Variants in MAF observed in about 807,000 individuals in gnomAD.
MAF encodes MAF bZIP transcription factor.
Under a neutral mutation model 22.0 loss-of-function variants are expected in MAF, and 10 were observed. That is an observed-to-expected ratio of 0.45 (90% CI 0.28 to 0.77). The LOEUF (loss-of-function observed/expected upper bound fraction) is 0.77. Ranked by LOEUF, MAF falls within the 30% of genes least tolerant of loss-of-function variation. The probability of loss-of-function intolerance (pLI) is 0.12; values close to 1 mark genes in which losing one functional copy is unlikely to be tolerated. For missense variants in MAF, 544 were observed against 548.4 expected, an observed-to-expected ratio of 0.99 and a Z score of 0.08; for synonymous variants, 337 against 255.8, an observed-to-expected ratio of 1.32 and a Z score of -3.03.
chr16:79,493,290 C>T, the MAF span, among the ~76,000 whole-genome samples: 2 of 152,098 alleles, frequency 1.3e-5, no homozygotes, highest in Admixed American at 1.3e-4. Context: ...TGAAGCAATT[C>T]TGGGCCTCAG....
chr16:79,227,052 A>G, the MAF span, among the ~76,000 whole-genome samples: 1 of 152,082 alleles, frequency 6.6e-6, no homozygotes, highest in African/African-American at 2.4e-5. Context: ...GGGTCACTTA[A>G]TTGTTTCAAA....
At chr16:79,310,810 T>G in the MAF span, among the ~76,000 whole-genome samples, 2 of 152,194 alleles carry the variant, frequency 1.3e-5, no homozygotes, top group African/African-American at 4.8e-5. Context: ...CCCTGAGTAG[T>G]CCCTGGTCGT....
chr16:79,217,339 G>A, the MAF span, among the ~76,000 whole-genome samples: 1 of 152,194 alleles, frequency 6.6e-6, no homozygotes, highest in Admixed American at 6.5e-5. Flanking sequence ...GTGGCCTATA[G>A]ACTAGAAGCA....
At chr16:79,211,882 C>T in the MAF span, 1 of 1,583,270 alleles carries the variant, frequency 6.3e-7, no homozygotes, top group African/African-American at 1.3e-5. Context: ...TTCCAAATGT[C>T]CCTCCAACAC....
chr16:79,389,477 G>A, the MAF span, among the ~76,000 whole-genome samples: 1 of 152,222 alleles, frequency 6.6e-6, no homozygotes, highest in Admixed American at 6.5e-5. Flanking sequence ...CACCAGGCTG[G>A]TCTTGAACTC....
the MAF span, among the ~76,000 whole-genome samples, chr16:79,475,386 G>T: frequency 6.6e-6 from 1 of 150,524 alleles, no homozygotes; most frequent in Non-Finnish European, 1.5e-5. Flanking sequence ...GTGTGTGTAT[G>T]CAAGAAAGAA....
At chr16:79,376,164 G>A in the MAF span, among the ~76,000 whole-genome samples, 31 of 151,506 alleles carry the variant, frequency 2.0e-4, 1 homozygote, top group South Asian at 5.2e-3. Flanking sequence ...TTACTTCTTC[G>A]TATGTATTAA....
the MAF span, among the ~76,000 whole-genome samples, chr16:79,213,065 G>A: frequency 6.6e-6 from 1 of 152,206 alleles, no homozygotes; most frequent in Non-Finnish European, 1.5e-5. Context: ...GAGAATGGGA[G>A]CTGTGCAGAA....
chr16:79,530,702 T>A, the MAF span, among the ~76,000 whole-genome samples: 2 of 152,352 alleles, frequency 1.3e-5, no homozygotes, highest in Admixed American at 1.3e-4. Flanking sequence ...GTTTTTTGAA[T>A]ATTGTGAACT....
the MAF span, among the ~76,000 whole-genome samples, chr16:79,338,173 G>T: frequency 1.3e-5 from 2 of 152,196 alleles, no homozygotes; most frequent in Admixed American, 1.3e-4. Flanking sequence ...ACAGTGAAAT[G>T]CATATATGGA....
chr16:79,582,966 G>T (rs940989568), downstream of MAF, among the ~76,000 whole-genome samples: 4 of 152,100 alleles, frequency 2.6e-5, no homozygotes, highest in African/African-American at 7.2e-5. Context: ...TCACAGTGTT[G>T]GTTTTCACAT....
the MAF span, among the ~76,000 whole-genome samples, chr16:79,367,440 A>G: frequency 1.3e-5 from 2 of 152,212 alleles, no homozygotes; most frequent in Non-Finnish European, 2.9e-5. Flanking sequence ...ACTTGTCTGC[A>G]GTCAGAACAA....
At chr16:79,521,905 A>G in the MAF span, among the ~76,000 whole-genome samples, 1 of 152,236 alleles carries the variant, frequency 6.6e-6, no homozygotes, top group South Asian at 2.1e-4. Flanking sequence ...TCCAGAAACA[A>G]TGCTGGGCTC....
the MAF span, among the ~76,000 whole-genome samples, chr16:79,272,221 G>A: frequency 1.3e-5 from 2 of 152,220 alleles, no homozygotes; most frequent in Non-Finnish European, 2.9e-5. Flanking sequence ...GAGGCGTTGA[G>A]CGGTGCTCTC....
At chr16:79,305,140 A>C in the MAF span, among the ~76,000 whole-genome samples, 1 of 152,214 alleles carries the variant, frequency 6.6e-6, no homozygotes, top group Non-Finnish European at 1.5e-5. Flanking sequence ...TCATGCCAGC[A>C]GGCCAGGGGC....
the MAF span, among the ~76,000 whole-genome samples, chr16:79,567,204 G>A: frequency 6.6e-6 from 1 of 152,142 alleles, no homozygotes; most frequent in African/African-American, 2.4e-5. Flanking sequence ...TGTAATCCCA[G>A]CTACTTGGGA....
chr16:79,490,704 T>G, the MAF span, among the ~76,000 whole-genome samples: 4 of 152,216 alleles, frequency 2.6e-5, no homozygotes, highest in Non-Finnish European at 4.4e-5. Context: ...TGGTACATAG[T>G]ACTTTCACTC....
chr16:79,388,815 G>A, the MAF span, among the ~76,000 whole-genome samples: 131 of 152,218 alleles, frequency 8.6e-4, no homozygotes, highest in African/African-American at 2.7e-3. Context: ...TCCATTTCAC[G>A]GGTGGGAAAA....
the MAF span, among the ~76,000 whole-genome samples, chr16:79,475,362 A>ATATGTGTGTGTGTG: frequency 6.7e-5 from 10 of 148,732 alleles, no homozygotes; most frequent in African/African-American, 9.9e-5. Flanking sequence ...ATGTATATAT[A>ATATGTGTGTGTGTG]TGTGTGTGTG....
Sources: gnomAD v4.1 joint callset for allele counts (sites outside exome capture counted in the v4.1 genomes callset) on GRCh38, gnomAD v4.1.1 for gene constraint, MANE v1.5 for transcripts, NCBI Gene and HGNC (gene_info 2026-07-23, HGNC 2026-07-21) for gene names.